Variants in VWF observed in about 807,000 individuals in gnomAD.
VWF encodes the protein Factor VIII related antigen.
VWF carries 176 observed loss-of-function variants against 308.6 expected under a neutral mutation model. The observed-to-expected ratio is 0.57, with a 90% confidence interval of 0.50 to 0.65. The LOEUF (loss-of-function observed/expected upper bound fraction) is 0.65. VWF is among the 30% of genes least tolerant of loss of function. The pLI, the probability that VWF is intolerant of heterozygous loss-of-function variation, is 0.00. For synonymous variants in VWF, 1,385 were observed against 1,443.4 expected, an observed-to-expected ratio of 0.96 and a Z score of 0.92; for missense variants, 3,146 against 3,648.2, an observed-to-expected ratio of 0.86 and a Z score of 3.55.
At chr12:5,974,287 C>A (rs1744581799) in intron 43 of VWF, among the ~76,000 whole-genome samples, 3 of 152,148 alleles carry the variant, frequency 2.0e-5, no homozygotes, top group Admixed American at 6.5e-5. Context: ...AGATTTTAAA[C>A]CATGAGGCTC....
chr12:6,011,966 A>G (rs1944000674), intron 33 of VWF, 121 bp downstream of exon 33: 7 of 1,393,382 alleles, frequency 5.0e-6, no homozygotes, highest in East Asian at 4.6e-5. Context: ...ACCCGCAAAA[A>G]CAAGATAATA....
At chr12:6,066,090 C>T (rs1050996300) in intron 10 of VWF, among the ~76,000 whole-genome samples, 1 of 152,208 alleles carries the variant, frequency 6.6e-6, no homozygotes, top group Non-Finnish European at 1.5e-5. Flanking sequence ...CATCACCCTG[C>T]AACCCAAAGC....
chr12:6,071,575 A>G (rs1193644308), intron 9 of VWF, among the ~76,000 whole-genome samples: 1 of 152,180 alleles, frequency 6.6e-6, no homozygotes, highest in Non-Finnish European at 1.5e-5. Context: ...AGAGAAAAAG[A>G]AGAAAGAAAA....
At chr12:6,030,650 C>A (rs1378245367) in intron 21 of VWF, among the ~76,000 whole-genome samples, 1 of 152,168 alleles carries the variant, frequency 6.6e-6, no homozygotes, top group African/African-American at 2.4e-5. Flanking sequence ...AACAAGATCT[C>A]CTAAGGGAGT....
chr12:6,116,090 C>T (rs1591927521), intron 3 of VWF, among the ~76,000 whole-genome samples: 1 of 152,272 alleles, frequency 6.6e-6, no homozygotes, highest in South Asian at 2.1e-4. Flanking sequence ...AGATGATGTG[C>T]AGCCATTAGG....
intron 21 of VWF, among the ~76,000 whole-genome samples, chr12:6,030,481 T>C (rs1944248159): frequency 6.6e-6 from 1 of 152,182 alleles, no homozygotes; most frequent in Non-Finnish European, 1.5e-5. Context: ...GACAAGTTTG[T>C]GCCCAGAGCC....
chr12:6,003,125 T>C (rs954709793), intron 34 of VWF, among the ~76,000 whole-genome samples: 2 of 152,194 alleles, frequency 1.3e-5, no homozygotes, highest in Non-Finnish European at 2.9e-5. Flanking sequence ...AAATGATGTA[T>C]GAACCGAATG....
intron 22 of VWF, among the ~76,000 whole-genome samples, chr12:6,028,784 C>T (rs1329382745): frequency 6.6e-6 from 1 of 152,162 alleles, no homozygotes; most frequent in African/African-American, 2.4e-5. Context: ...AAGAAACAAC[C>T]AGTACCAGCC....
At chr12:6,070,938 A>C (rs867753174) in intron 10 of VWF, among the ~76,000 whole-genome samples, 1 of 152,152 alleles carries the variant, frequency 6.6e-6, no homozygotes, top group Non-Finnish European at 1.5e-5. Context: ...AGGCCCTTCT[A>C]CCTCTTAATT....
chr12:6,123,361 C>T lies in VWF; in HGVS notation c.1-165G>A, dbSNP rs542070604. ...CCTTTGAACATGGACTTCTGGCCCC[C>T]GAAAAAACCCCTGGCCAGTGCCAGG... On this transcript the variant is annotated intron_variant, in intron 1 of 51. Coordinates refer to ENST00000261405, the MANE Select transcript of VWF (RefSeq NM_000552.5). 1.2e-4 allele frequency among the ~76,000 whole-genome samples: 19 copies of T among 152,270 alleles called. No homozygotes were observed. The South Asian group carries it at 2.9e-3, about 23-fold the overall frequency.
Position 6,023,639 on chromosome 12 carries a change from G to A in VWF, c.3371C>T (p.Thr1124Ile). 6.2e-7 allele frequency: 1 copy of A among 1,613,828 alleles called. No individual in the cohort carries two copies. The highest frequency in any genetic ancestry group is 8.5e-7 in the Non-Finnish European group (1 of 1,180,006). ...AGGGCGTCAGTACTCACGGCACAAT[G>A]TGGCCGTCCTCCAGGTCACCACCTT... ...HGKVVTWRTA[T>I]LCPQSCEERN... The change falls in exon 25 of 52, where the codon ACA (threonine) becomes ATA (isoleucine). Residue 1124 changes from threonine to isoleucine, a missense_variant. Around this residue, in one of 3 missense-constraint regions of VWF, gnomAD observed 853 missense variants for 1,177.8 expected, o/e 0.72. Transcript: ENST00000261405.
intron 5 of VWF, among the ~76,000 whole-genome samples, chr12:6,107,353 G>A (rs1401357872): frequency 3.3e-5 from 5 of 152,176 alleles, no homozygotes; most frequent in Non-Finnish European, 7.3e-5. Flanking sequence ...ATGACTCTAC[G>A]CTTTTGCGAA....
chr12:6,057,480 T>TTTA (rs10667650), intron 14 of VWF, among the ~76,000 whole-genome samples: 25,334 of 129,262 alleles, frequency 0.2, 2,514 homozygotes, highest in East Asian at 0.26. Flanking sequence ...GCCCGGCAAA[T>TTTA]TTATTATTAT....
chr12:6,104,850 T>A (rs1413477905), intron 5 of VWF, among the ~76,000 whole-genome samples: 1 of 152,200 alleles, frequency 6.6e-6, no homozygotes. Flanking sequence ...GGTATGAACC[T>A]AAATGCCCAT....
intron 40 of VWF, 94 bp from the exon 41 acceptor site, chr12:5,983,348 CT>C (rs1248876621): frequency 1.1e-5 from 14 of 1,257,966 alleles, no homozygotes; most frequent in Non-Finnish European, 1.6e-5. Context: ...TTCATGCAGA[CT>C]TCTACTGTTT....
At chr12:6,015,482 C>A (rs1236128247) in intron 31 of VWF, among the ~76,000 whole-genome samples, 2 of 151,908 alleles carry the variant, frequency 1.3e-5, no homozygotes, top group Non-Finnish European at 2.9e-5. Flanking sequence ...CTCAATGTCA[C>A]TCCACTCACC....
chr12:5,979,990 G>A (rs216862), intron 42 of VWF, among the ~76,000 whole-genome samples: 22,800 of 141,692 alleles, frequency 0.16, 2,286 homozygotes, highest in Non-Finnish European at 0.22. Context: ...GCAGTGAGCC[G>A]AGACTGCGCC....
chr12:6,100,452 T>C (rs959446962), intron 5 of VWF, among the ~76,000 whole-genome samples: 32 of 151,094 alleles, frequency 2.1e-4, no homozygotes, highest in Non-Finnish European at 4.0e-4. Flanking sequence ...CGTGTGTTTA[T>C]TGCGGCACTA....
In VWF at chr12:6,078,872, T is replaced by C. The variant is rs533990584; in HGVS notation, c.658-3321A>G. ...CTCAGAGGGATAATGGGAACAGTAC[T>C]CCAGCACATTTCCTGGGAGGTCCCT... On this transcript the variant is annotated intron_variant, in intron 6 of 51. Transcript: ENST00000261405. Among the ~76,000 whole-genome samples, 25 of 152,296 alleles carry C rather than the reference T, an allele frequency of 1.6e-4. No homozygotes were observed. In the East Asian group the frequency reaches 4.8e-3, roughly 29 times the overall value.
Sources: gnomAD v4.1 joint callset for allele counts (sites outside exome capture counted in the v4.1 genomes callset) on GRCh38, gnomAD v4.1.1 for gene constraint, gnomAD v4.1.1 regional missense constraint, MANE v1.5 for transcripts, NCBI Gene and HGNC (gene_info 2026-07-23, HGNC 2026-07-21) for gene names.